Variants in RBFOX1 observed in about 807,000 individuals in gnomAD.
The protein encoded by RBFOX1 is RNA binding protein fox-1 homolog 1.
In RBFOX1, 8 loss-of-function variants were observed where a neutral mutation model predicts 57.7. The ratio of observed to expected loss-of-function variants is 0.14; its 90% CI spans 0.08 to 0.25. The LOEUF is 0.25. RBFOX1 is among the 10% of genes least tolerant of loss of function. The pLI is 1.00. For missense variants in RBFOX1, 611 were observed against 548.5 expected, an observed-to-expected ratio of 1.11 and a Z score of -1.14; for synonymous variants, 326 against 222.4, an observed-to-expected ratio of 1.47 and a Z score of -4.15.
chr16:6,875,087 G>T (rs1156356913), intron 3 of RBFOX1, among the ~76,000 whole-genome samples: 2 of 152,140 alleles, frequency 1.3e-5, no homozygotes, highest in Non-Finnish European at 2.9e-5. Flanking sequence ...GACTCAAAAT[G>T]TAGGTTGTAA....
chr16:6,335,924 T>C (rs990907773), intron 2 of RBFOX1, among the ~76,000 whole-genome samples: 1 of 150,542 alleles, frequency 6.6e-6, no homozygotes, highest in African/African-American at 2.4e-5. Context: ...TATTGCCTGG[T>C]TTTCCAGCCT....
At chr16:6,494,227 A>C (rs539228562) in intron 2 of RBFOX1, among the ~76,000 whole-genome samples, 1 of 152,272 alleles carries the variant, frequency 6.6e-6, no homozygotes, top group South Asian at 2.1e-4. Context: ...GAATTTCCCT[A>C]AGGTTACTTG....
intron 1 of RBFOX1, among the ~76,000 whole-genome samples, chr16:6,131,094 G>C (rs1005541264): frequency 4.6e-5 from 7 of 152,142 alleles, no homozygotes; most frequent in Admixed American, 4.6e-4. Context: ...CTCAAGAGTA[G>C]AAAAAACAAA....
At chr16:6,089,701 G>A (rs2096142970) in intron 1 of RBFOX1, among the ~76,000 whole-genome samples, 1 of 152,190 alleles carries the variant, frequency 6.6e-6, no homozygotes, top group African/African-American at 2.4e-5. Flanking sequence ...AGGCCTTGGG[G>A]ATGTAGAAGC....
At chr16:6,882,801 G>T (rs995970434) in intron 3 of RBFOX1, among the ~76,000 whole-genome samples, 3 of 151,920 alleles carry the variant, frequency 2.0e-5, no homozygotes, top group Admixed American at 2.0e-4. Flanking sequence ...ATTCCTGGGG[G>T]GTATCAATTC....
intron 4 of RBFOX1, among the ~76,000 whole-genome samples, chr16:7,071,638 G>A (rs2153778305): frequency 6.6e-6 from 1 of 150,414 alleles, no homozygotes; most frequent in Middle Eastern, 3.4e-3. Context: ...TACATAACCT[G>A]GGTAATTTAT....
At chr16:6,459,679 TA>T (rs1450790765) in intron 2 of RBFOX1, among the ~76,000 whole-genome samples, 4 of 151,994 alleles carry the variant, frequency 2.6e-5, no homozygotes, top group African/African-American at 4.8e-5. Context: ...AGTCAATACT[TA>T]AAAAATCTTG....
intron 5 of RBFOX1, among the ~76,000 whole-genome samples, chr16:7,546,672 T>C (rs1441263348): frequency 1.3e-5 from 2 of 152,182 alleles, no homozygotes; most frequent in East Asian, 3.9e-4. Context: ...ATACATACAA[T>C]TCCGAGTCAT....
chr16:6,761,762 C>G (rs1195726517), intron 3 of RBFOX1, among the ~76,000 whole-genome samples: 1 of 151,898 alleles, frequency 6.6e-6, no homozygotes, highest in Non-Finnish European at 1.5e-5. Flanking sequence ...GCCTCGGCCC[C>G]CTAAAGTGCT....
intron 4 of RBFOX1, among the ~76,000 whole-genome samples, chr16:7,273,376 T>C (rs1406216036): frequency 1.3e-5 from 2 of 152,122 alleles, no homozygotes; most frequent in Non-Finnish European, 1.5e-5. Context: ...AGACCTCCTG[T>C]TGGACTGATA....
intron 4 of RBFOX1, among the ~76,000 whole-genome samples, chr16:7,359,439 T>C (rs1406910177): frequency 6.6e-6 from 1 of 152,226 alleles, no homozygotes; most frequent in Non-Finnish European, 1.5e-5. Context: ...GAAAATAATT[T>C]ACCTTCATTA....
chr16:5,825,630 G>A (rs1489720143), intron 3 of RBFOX1, among the ~76,000 whole-genome samples: 1 of 152,146 alleles, frequency 6.6e-6, no homozygotes, highest in South Asian at 2.1e-4. Context: ...CATTAAGGAC[G>A]TTGACAGCGT....
intron 1 of RBFOX1, among the ~76,000 whole-genome samples, chr16:6,059,736 T>C (rs1386295476): frequency 1.3e-5 from 2 of 152,152 alleles, no homozygotes; most frequent in Non-Finnish European, 2.9e-5. Context: ...GCCTCTACCA[T>C]CTGTTTATCT....
chr16:6,303,063 T>G (rs9933112), intron 1 of RBFOX1, among the ~76,000 whole-genome samples: 10,476 of 152,246 alleles, frequency 0.069, 600 homozygotes, highest in East Asian at 0.15. Flanking sequence ...TAAAGATAAC[T>G]GCACCAAGTT....
At chr16:6,406,221 C>T (rs2795535) in intron 2 of RBFOX1, among the ~76,000 whole-genome samples, 1 of 152,014 alleles carries the variant, frequency 6.6e-6, no homozygotes, top group East Asian at 1.9e-4. Context: ...CTGGGGACCT[C>T]AGATTCTCTT....
At chr16:7,233,470 C>T (rs1433015158) in intron 4 of RBFOX1, among the ~76,000 whole-genome samples, 2 of 152,126 alleles carry the variant, frequency 1.3e-5, no homozygotes, top group African/African-American at 4.8e-5. Context: ...GAACACAATA[C>T]ATGGTAGACA....
chr16:5,686,814 T>C (rs1259646087), intron 3 of RBFOX1, among the ~76,000 whole-genome samples: 1 of 152,200 alleles, frequency 6.6e-6, no homozygotes, highest in Non-Finnish European at 1.5e-5. Context: ...GCAAAACTGC[T>C]TCTAGTTCTG....
intron 2 of RBFOX1, among the ~76,000 whole-genome samples, chr16:6,468,340 T>C (rs1460439562): frequency 6.6e-6 from 1 of 152,212 alleles, no homozygotes; most frequent in Non-Finnish European, 1.5e-5. Context: ...CATAGAACTT[T>C]AAGCTTGTGC....
At chr16:6,751,463 G>C (rs889198697) in intron 3 of RBFOX1, among the ~76,000 whole-genome samples, 1 of 152,148 alleles carries the variant, frequency 6.6e-6, no homozygotes, top group African/African-American at 2.4e-5. Flanking sequence ...TGAACATCCT[G>C]ACTTCCTATG....
Sources: gnomAD v4.1 joint callset for allele counts (sites outside exome capture counted in the v4.1 genomes callset) on GRCh38, gnomAD v4.1.1 for gene constraint, MANE v1.5 for transcripts, NCBI Gene and HGNC (gene_info 2026-07-23, HGNC 2026-07-21) for gene names.